Variants in SCAPER observed in about 807,000 individuals in gnomAD.
SCAPER encodes S-phase cyclin A associated protein in the ER, also known as S phase cyclin A-associated protein in the endoplasmic reticulum.
SCAPER carries 98 observed loss-of-function variants against 182.2 expected under a neutral mutation model. The observed-to-expected ratio is 0.54, with a 90% CI of 0.46 to 0.64. The LOEUF is 0.64. Among genes scored for constraint, SCAPER ranks in the 30% least tolerant of loss-of-function variants. The pLI, the probability that SCAPER is intolerant of heterozygous loss-of-function variation, is 0.00. For synonymous variants in SCAPER, 605 were observed against 564.6 expected (o/e 1.07, Z -1.01); for missense variants, 1,432 against 1,690.0 (o/e 0.85, Z 2.68).
chr15:76,675,578 G>A (rs1567767876), intron 20 of SCAPER, among the ~76,000 whole-genome samples: 1 of 152,108 alleles, frequency 6.6e-6, no homozygotes, highest in East Asian at 1.9e-4. Context: ...TAACAATGCT[G>A]ACAAAAAACG....
intron 27 of SCAPER, among the ~76,000 whole-genome samples, chr15:76,388,562 T>C (rs1474192012): frequency 6.6e-6 from 1 of 152,202 alleles, no homozygotes; most frequent in Non-Finnish European, 1.5e-5. Context: ...ACATCCACTG[T>C]AGTAGCAGAG....
At chr15:76,525,611 C>T (rs1018029138) in intron 23 of SCAPER, among the ~76,000 whole-genome samples, 1 of 152,108 alleles carries the variant, frequency 6.6e-6, no homozygotes, top group Non-Finnish European at 1.5e-5. Context: ...TCAGTGAGAA[C>T]ATGTGGTATT....
At chr15:76,504,112 T>C (rs1325149389) in intron 24 of SCAPER, among the ~76,000 whole-genome samples, 1 of 152,080 alleles carries the variant, frequency 6.6e-6, no homozygotes, top group Non-Finnish European at 1.5e-5. Context: ...AGCCTTGAAC[T>C]TCTGGCCTCA....
chr15:76,641,550 G>A lies in SCAPER; in HGVS notation c.2646-19721C>T, dbSNP rs112157391. Among the ~76,000 whole-genome samples the A allele has an allele frequency of 7.9e-3, 1,204 of 152,166 alleles. 11 individuals are homozygous for A. Among genetic ancestry groups the A allele is most frequent in the African/African-American group, 0.028 (1,144 of 41,496 alleles). On this transcript the variant is annotated intron_variant, in intron 21 of 31. Coordinates refer to ENST00000563290, the MANE Select transcript of SCAPER (RefSeq NM_020843.4). ...TGATCCGCCTGGGAACAAAGAGAGA[G>A]CCCCGATGCATTGCGGGCTGCTGGC...
intron 21 of SCAPER, among the ~76,000 whole-genome samples, chr15:76,659,437 C>T (rs1269071031): frequency 1.3e-5 from 2 of 152,084 alleles, no homozygotes; most frequent in Admixed American, 1.3e-4. Context: ...GCACTGCTAA[C>T]TTTTTCATTT....
At chr15:76,619,954 T>A (rs2051867927) in intron 22 of SCAPER, among the ~76,000 whole-genome samples, 1 of 152,092 alleles carries the variant, frequency 6.6e-6, no homozygotes, top group Non-Finnish European at 1.5e-5. Context: ...CACTTACCTG[T>A]AGTCCCAGCT....
At chr15:76,554,353 C>T (rs567559606) in intron 23 of SCAPER, among the ~76,000 whole-genome samples, 1 of 152,292 alleles carries the variant, frequency 6.6e-6, no homozygotes, top group South Asian at 2.1e-4. Context: ...AAGTCTACAA[C>T]TCACTGACAT....
intron 20 of SCAPER, among the ~76,000 whole-genome samples, chr15:76,668,131 A>G (rs2056761430): frequency 6.6e-6 from 1 of 152,164 alleles, no homozygotes; most frequent in South Asian, 2.1e-4. Context: ...CATCATTTGC[A>G]TAATTGCTCA....
At chr15:76,765,232 T>A in intron 13 of SCAPER, 105 bp downstream of exon 13, 1 of 1,039,872 alleles carries the variant, frequency 9.6e-7, no homozygotes. Context: ...GAAACTGTCC[T>A]GAAGTAATGT....
chr15:76,699,393 G>T (rs933306750), intron 20 of SCAPER, among the ~76,000 whole-genome samples: 2 of 152,196 alleles, frequency 1.3e-5, no homozygotes, highest in Non-Finnish European at 2.9e-5. Flanking sequence ...GATGTTGGCT[G>T]TGGGGTTGTC....
intron 22 of SCAPER, among the ~76,000 whole-genome samples, chr15:76,588,800 G>C (rs1466473335): frequency 6.6e-6 from 1 of 152,104 alleles, no homozygotes; most frequent in African/African-American, 2.4e-5. Flanking sequence ...GATTTTTGGG[G>C]GGGGTGTTAA....
At chr15:76,516,608 C>T (rs2042446754) in intron 23 of SCAPER, among the ~76,000 whole-genome samples, 1 of 152,118 alleles carries the variant, frequency 6.6e-6, no homozygotes, top group African/African-American at 2.4e-5. Context: ...TTTATCCAGT[C>T]TATCATTGAT....
At chr15:76,450,382 C>T (rs2048294058) in intron 25 of SCAPER, among the ~76,000 whole-genome samples, 1 of 152,202 alleles carries the variant, frequency 6.6e-6, no homozygotes, top group South Asian at 2.1e-4. Flanking sequence ...TCCTTAAGCT[C>T]TCCGGCTTAT....
At chr15:76,452,404 T>C (rs2048430079) in intron 25 of SCAPER, among the ~76,000 whole-genome samples, 1 of 152,256 alleles carries the variant, frequency 6.6e-6, no homozygotes, top group Non-Finnish European at 1.5e-5. Context: ...TAAATCTTCA[T>C]ATTAAATAAC....
rs530528130 is a variant in SCAPER, at chr15:76,901,958, A to T, written c.-60+3341T>A. Among the ~76,000 whole-genome samples, 4 of 152,270 alleles carry T rather than the reference A, an allele frequency of 2.6e-5. No homozygotes were observed. In the South Asian group the frequency reaches 8.3e-4, roughly 32 times the overall value. ...ATGGTCTCGATCTCCTGACCTTGTG[A>T]TCTGCCCACCTCAGCCTCCCAAAGT... On this transcript the variant is annotated intron_variant, in intron 1 of 31. Coordinates refer to ENST00000563290, the MANE Select transcript of SCAPER (RefSeq NM_020843.4).
In SCAPER at chr15:76,716,884, T is replaced by C. The variant is rs542512284; in HGVS notation, c.2166-10900A>G. ...ATAATTGGTAAAAACTTCCTAAATC[T>C]TGGGACTTAGGAAGAGAGAGAGATC... On this transcript the variant is annotated intron_variant, in intron 17 of 31. Coordinates refer to ENST00000563290, the MANE Select transcript of SCAPER (RefSeq NM_020843.4). Among the ~76,000 whole-genome samples the C allele has an allele frequency of 3.3e-5, 5 of 152,092 alleles. No homozygotes were observed. In the East Asian group the frequency reaches 7.7e-4, roughly 23 times the overall value.
intron 23 of SCAPER, among the ~76,000 whole-genome samples, chr15:76,570,446 A>G (rs1049958346): frequency 3.3e-5 from 5 of 152,148 alleles, no homozygotes; most frequent in Admixed American, 2.0e-4. Context: ...TGGCCCAGTA[A>G]TTATTCACTA....
chr15:76,495,341 G>A (rs945474828), intron 24 of SCAPER, among the ~76,000 whole-genome samples: 1 of 152,124 alleles, frequency 6.6e-6, no homozygotes, highest in Admixed American at 6.5e-5. Context: ...ACTTTGGGAG[G>A]ACGAGGCAGG....
chr15:76,591,934 C>A (rs1354718948), intron 22 of SCAPER, among the ~76,000 whole-genome samples: 1 of 152,088 alleles, frequency 6.6e-6, no homozygotes, highest in Non-Finnish European at 1.5e-5. Flanking sequence ...GTGGCGCATG[C>A]CTGTAGTCCC....
Sources: allele counts gnomAD v4.1 joint callset (sites outside exome capture counted in the v4.1 genomes callset), GRCh38; gene constraint gnomAD v4.1.1; transcripts MANE v1.5; gene names NCBI Gene and HGNC (gene_info 2026-07-23, HGNC 2026-07-21).